Variants in CDH18 observed in about 807,000 individuals in gnomAD.
CDH18 encodes the protein cadherin 18.
CDH18 carries 31 observed loss-of-function variants against 67.9 expected under a neutral mutation model. The observed-to-expected ratio is 0.46, with a 90% CI of 0.34 to 0.62. The LOEUF (loss-of-function observed/expected upper bound fraction) is 0.62, where lower values mean the gene tolerates loss of function less well. Ranked by LOEUF, CDH18 falls within the 20% of genes least tolerant of loss-of-function variation. The pLI is 0.01. For missense variants in CDH18, 890 were observed against 975.5 expected, an observed-to-expected ratio of 0.91 and a Z score of 1.17; for synonymous variants, 362 against 347.2, an observed-to-expected ratio of 1.04 and a Z score of -0.48.
intron 1 of CDH18, among the ~76,000 whole-genome samples, chr5:20,527,117 A>G (rs955310468): frequency 9.9e-5 from 15 of 152,162 alleles, no homozygotes; most frequent in African/African-American, 3.6e-4. Context: ...TGATGAAAAC[A>G]CAAGTATCAA....
intron 8 of CDH18, among the ~76,000 whole-genome samples, chr5:19,571,354 C>T (rs1741353554): frequency 6.6e-6 from 1 of 152,122 alleles, no homozygotes; most frequent in Admixed American, 6.6e-5. Flanking sequence ...AAAAAATTAA[C>T]ATGTGGTCAA....
chr5:19,982,872 A>G (rs7704818), intron 1 of CDH18, among the ~76,000 whole-genome samples: 91,670 of 151,514 alleles, frequency 0.61, 28,134 homozygotes, highest in Middle Eastern at 0.72. Context: ...GTGAAACCCC[A>G]TCTCTACTAA....
At chr5:20,379,942 AAT>A (rs769541252) in intron 1 of CDH18, among the ~76,000 whole-genome samples, 20 of 152,034 alleles carry the variant, frequency 1.3e-4, no homozygotes, top group Admixed American at 7.2e-4. Flanking sequence ...AAACCAACAT[AAT>A]ATGGTGGTAC....
chr5:20,463,764 T>C (rs1320863038), intron 1 of CDH18, among the ~76,000 whole-genome samples: 1 of 152,144 alleles, frequency 6.6e-6, no homozygotes, highest in Non-Finnish European at 1.5e-5. Flanking sequence ...TCAACTTGAA[T>C]TGTGAGGAAT....
intron 2 of CDH18, among the ~76,000 whole-genome samples, chr5:20,144,215 GGGCTACCTCTCTAGGA>G (rs1426572780): frequency 6.6e-6 from 1 of 151,984 alleles, no homozygotes; most frequent in Non-Finnish European, 1.5e-5. Context: ...CTGGGAAACT[GGGCTACCTCTCTAGGA>G]GGCATCTCGG....
intron 2 of CDH18, among the ~76,000 whole-genome samples, chr5:20,092,138 A>G (rs1745493055): frequency 6.6e-6 from 1 of 152,174 alleles, no homozygotes; most frequent in South Asian, 2.1e-4. Flanking sequence ...AATCATTTCA[A>G]CCGGGGGCTT....
At chr5:19,505,983 C>T (rs1341983303) in intron 10 of CDH18, among the ~76,000 whole-genome samples, 1 of 152,054 alleles carries the variant, frequency 6.6e-6, no homozygotes, top group Non-Finnish European at 1.5e-5. Flanking sequence ...TTAATTATTG[C>T]CTCAATTCCA....
chr5:20,108,918 T>C (rs1353504138), intron 2 of CDH18, among the ~76,000 whole-genome samples: 1 of 152,186 alleles, frequency 6.6e-6, no homozygotes, highest in African/African-American at 2.4e-5. Context: ...TAAAAGGTAA[T>C]AATTTCCTCA....
intron 1 of CDH18, among the ~76,000 whole-genome samples, chr5:20,379,822 C>T (rs1402610866): frequency 3.3e-5 from 5 of 151,708 alleles, no homozygotes; most frequent in African/African-American, 4.8e-5. Flanking sequence ...ATCTCTGACT[C>T]TTGAAGAATC....
rs1029623346 is a variant in CDH18, at chr5:19,472,447, T to G, written c.*779A>C. On this transcript the variant is annotated 3_prime_UTR_variant, in exon 13 of 13. Transcript: ENST00000382275. ...TAAAATTAAATTATTCCCTGACATA[T>G]CAGATTTTCATAACATACCTTAAAC... 6.6e-6 allele frequency among the ~76,000 whole-genome samples: 1 copy of G among 152,248 alleles called. No individual in the cohort carries two copies. The highest frequency in any genetic ancestry group is 1.9e-4 in the East Asian group (1 of 5,178).
chr5:20,226,888 C>T lies in CDH18; in HGVS notation c.-518+28556G>A, dbSNP rs1265017169. Among the ~76,000 whole-genome samples the T allele has an allele frequency of 3.3e-5, 5 of 152,004 alleles. No individual in the cohort carries two copies. The East Asian group carries it at 9.7e-4, about 29-fold the overall frequency. ...ACCTATTTGCTCCTTCCTTAATAGC[C>T]TCTAAGAGCTCGAAATGACTAAATT... is the stretch of plus-strand genomic sequence containing the variant. On this transcript the variant is annotated intron_variant, in intron 2 of 14. Coordinates refer to the CDH18 transcript ENST00000507958.
At chr5:20,488,635 G>A (rs1353583842) in intron 1 of CDH18, among the ~76,000 whole-genome samples, 1 of 147,326 alleles carries the variant, frequency 6.8e-6, no homozygotes, top group East Asian at 2.0e-4. Flanking sequence ...GATAATGTAG[G>A]AAATTCATAT....
At chr5:20,128,138 A>C (rs1196968690) in intron 2 of CDH18, among the ~76,000 whole-genome samples, 1 of 152,034 alleles carries the variant, frequency 6.6e-6, no homozygotes, top group African/African-American at 2.4e-5. Flanking sequence ...TTTTGAGTAA[A>C]GTCACTTCTC....
rs1056572972 is a variant in CDH18, at chr5:19,472,461, C to T, written c.*765G>A. Among the ~76,000 whole-genome samples the T allele has an allele frequency of 1.3e-5, 2 of 152,034 alleles. No individual in the cohort carries two copies. The highest frequency in any genetic ancestry group is 1.3e-4 in the Admixed American group (2 of 15,256). The stretch of plus-strand genomic sequence containing the variant: ...TCCCTGACATATCAGATTTTCATAA[C>T]ATACCTTAAACTATTCTTTCTGTCC... On this transcript the variant is annotated 3_prime_UTR_variant, in exon 13 of 13. Transcript: ENST00000382275.
intron 10 of CDH18, among the ~76,000 whole-genome samples, chr5:19,520,076 C>G (rs923034186): frequency 6.6e-6 from 1 of 152,126 alleles, no homozygotes; most frequent in Non-Finnish European, 1.5e-5. Flanking sequence ...CAGTCTCCTA[C>G]TTGCTCTATT....
intron 1 of CDH18, among the ~76,000 whole-genome samples, chr5:20,443,393 T>C (rs1393142335): frequency 2.0e-5 from 3 of 151,720 alleles, no homozygotes; most frequent in Admixed American, 1.3e-4. Context: ...TTATTTACAA[T>C]ATCAATGATG....
chr5:20,123,064 T>C (rs1748499861), intron 2 of CDH18, among the ~76,000 whole-genome samples: 1 of 148,868 alleles, frequency 6.7e-6, no homozygotes, highest in African/African-American at 2.4e-5. Flanking sequence ...TCTTCAAATA[T>C]TATATATATG....
At chr5:19,550,399 G>T (rs891069814) in intron 8 of CDH18, among the ~76,000 whole-genome samples, 1 of 151,856 alleles carries the variant, frequency 6.6e-6, no homozygotes, top group Non-Finnish European at 1.5e-5. Flanking sequence ...ATCTCCCAAT[G>T]CTATCCCTCC....
intron 1 of CDH18, among the ~76,000 whole-genome samples, chr5:20,344,795 C>CA (rs34363372): frequency 0.17 from 26,483 of 151,784 alleles, 2,535 homozygotes; most frequent in African/African-American, 0.22. Flanking sequence ...CAGAAGGACA[C>CA]AAAAAATATC....
Sources: allele counts gnomAD v4.1 joint callset (sites outside exome capture counted in the v4.1 genomes callset), GRCh38; gene constraint gnomAD v4.1.1; transcripts MANE v1.5; gene names NCBI Gene and HGNC (gene_info 2026-07-23, HGNC 2026-07-21).